Variants in EVI2B observed in about 807,000 individuals in gnomAD.
The protein encoded by EVI2B is ecotropic viral integration site 2B.
EVI2B carries 4 observed loss-of-function variants against 6.6 expected under a neutral mutation model. That is an observed-to-expected ratio of 0.61 (90% CI 0.30 to 1.39). The LOEUF is 1.39. Ranked by LOEUF, EVI2B falls within the 40% of genes most tolerant of loss-of-function variation. The pLI, the probability that EVI2B is intolerant of heterozygous loss-of-function variation, is 0.08. For synonymous variants in EVI2B, 181 were observed against 186.8 expected, an observed-to-expected ratio of 0.97 and a Z score of 0.25; for missense variants, 484 against 516.6, an observed-to-expected ratio of 0.94 and a Z score of 0.61.
In EVI2B at chr17:31,307,841, G is replaced by A. The variant is rs973381291; in HGVS notation, c.-21-2211C>T. On this transcript the variant is annotated intron_variant, in intron 1 of 1. Coordinates refer to ENST00000330927, the MANE Select transcript of EVI2B (RefSeq NM_006495.4). ...TGACTCATAAGCCTATATTTAGAGAGATTTGATGTTCTGTTGGAAGGTGCA... is the reference window on the plus strand; with the variant it reads ...TGACTCATAAGCCTATATTTAGAGAAATTTGATGTTCTGTTGGAAGGTGCA... 4.0e-6 allele frequency: 5 copies of A among 1,237,960 alleles called. No individual in the cohort carries two copies. The African/African-American group carries it at 7.7e-5, about 19-fold the overall frequency. The allele number at this position is 1,237,960 out of a possible 1,614,324, so 76.7% of individuals were successfully genotyped here. A position where few individuals can be genotyped will look rare whatever the true frequency, so the allele number is the denominator to read the frequency against.
intron 1 of EVI2B, among the ~76,000 whole-genome samples, chr17:31,310,238 A>G (rs146039293): frequency 1.8e-4 from 27 of 152,330 alleles, no homozygotes; most frequent in East Asian, 1.7e-3. Flanking sequence ...AGGCAATGCA[A>G]AGAAATACAA....
intron 1 of EVI2B, among the ~76,000 whole-genome samples, chr17:31,308,599 A>C (rs2068791098): frequency 6.6e-6 from 1 of 151,658 alleles, no homozygotes. Flanking sequence ...CTAAACAGAC[A>C]CTTCTATGCT....
rs200125519 is a variant in EVI2B, at chr17:31,305,112, T to C, written c.498A>G (p.Pro166=). ...PSRKQITVHN[P]STQPTSTVKN... is the part of the protein sequence containing the mutation. ...TGACAGTTGATGTTGGTTGTGTGGA[T>C]GGATTATGAACAGTTATTTGTTTTC... The change falls in exon 2 of 2, where the codon CCA becomes CCG. Residue 166 remains proline (P), a synonymous_variant. Coordinates refer to ENST00000330927, the MANE Select transcript of EVI2B (RefSeq NM_006495.4). The C allele has an allele frequency of 1.6e-4, 254 of 1,614,152 alleles. 4 individuals are homozygous for C. The South Asian group carries it at 2.1e-3, about 13-fold the overall frequency.
chr17:31,305,691 A>G, intron 1 of EVI2B, 61 bp from the exon 2 acceptor site: 1 of 1,455,858 alleles, frequency 6.9e-7, no homozygotes, highest in Non-Finnish European at 9.2e-7. Flanking sequence ...CTAGTTAAAA[A>G]TTTGACTTTT....
chr17:31,311,116 C>T (rs977873675), intron 1 of EVI2B, among the ~76,000 whole-genome samples: 1 of 151,884 alleles, frequency 6.6e-6, no homozygotes, highest in Non-Finnish European at 1.5e-5. Context: ...CCACGCCCAA[C>T]TAATTTTTGT....
intron 1 of EVI2B, chr17:31,307,778 T>C: frequency 1.5e-6 from 1 of 663,840 alleles, no homozygotes; most frequent in Non-Finnish European, 2.3e-6. Flanking sequence ...CTTAGGGTGT[T>C]AGATATTGGT....
chr17:31,313,895 T>C, intron 1 of EVI2B, 84 bp downstream of exon 1: 1 of 395,204 alleles, frequency 2.5e-6, no homozygotes, highest in Non-Finnish European at 4.5e-6. Flanking sequence ...CTATCAGAGT[T>C]TAAGTTTAAA....
chr17:31,304,459 C>T lies in EVI2B; in HGVS notation c.1151G>A (p.Cys384Tyr), dbSNP rs765978506. 6 of 1,614,140 alleles carry T rather than the reference C, an allele frequency of 3.7e-6. No individual in the cohort carries two copies. In the Admixed American group the frequency reaches 1.0e-4, roughly 27 times the overall value. ...TATTATCTCAGATTTATGATCTCCA[C>T]AGTCTTGATTGAGACAGTCCAGAGA... ...PPSLDCLNQD[C>Y]GDHKSEIIQS... The change falls in exon 2 of 2, where the codon TGT becomes TAT. Residue 384 changes from cysteine to tyrosine, a missense_variant. Physicochemically the swap from Cys to Tyr is radical, Grantham distance 194. Coordinates refer to ENST00000330927, the MANE Select transcript of EVI2B (RefSeq NM_006495.4).
In EVI2B at chr17:31,303,968, G is replaced by A. The variant is rs1257282164; in HGVS notation, c.*295C>T. The A allele has an allele frequency of 2.8e-5, 6 of 213,160 alleles. No homozygotes were observed. The South Asian group carries it at 4.4e-4, about 16-fold the overall frequency. 13.2% of individuals were successfully genotyped at this position (213,160 alleles called of 1,614,324 possible). A position where few individuals can be genotyped will look rare whatever the true frequency, so the allele number is the denominator to read the frequency against. On this transcript the variant is annotated 3_prime_UTR_variant, in exon 2 of 2. Transcript: ENST00000330927. ...TTTCAGGGGAAAAAAAACTGTACTG[G>A]GTAATAAGTATATGTAGATTGTTTC...
intron 1 of EVI2B, among the ~76,000 whole-genome samples, chr17:31,311,468 T>G (rs2068873726): frequency 6.6e-6 from 1 of 152,172 alleles, no homozygotes. Flanking sequence ...AGATTAAAAT[T>G]TAGCAGTAGT....
rs1426911482 is a variant in EVI2B, at chr17:31,305,262, G to T, written c.348C>A (p.Ser116=). 2 of 1,614,186 alleles carry T rather than the reference G, an allele frequency of 1.2e-6. No homozygotes were observed. The highest frequency in any genetic ancestry group is 2.7e-5 in the African/African-American group (2 of 75,048). Residue 116 remains serine, a synonymous_variant, in exon 2 of 2, where the codon TCC becomes TCA. Coordinates refer to ENST00000330927, the MANE Select transcript of EVI2B (RefSeq NM_006495.4). The part of the protein sequence containing the change: ...TKQPTPIANT[S]SQQAVFTSAR... ...CAGAGGTGAACACGGCTTGCTGGGA[G>T]GAGGTGTTGGCTATTGGTGTTGGTT...
In EVI2B at chr17:31,310,611, C is replaced by T. The variant is rs116800369; in HGVS notation, c.-22+3368G>A. ...CTTTCATTTCAGGCTCTCCTGTCTGCTGTGAGTATCCTTACCATCCTCTCC... is the reference window on the plus strand; with the variant it reads ...CTTTCATTTCAGGCTCTCCTGTCTGTTGTGAGTATCCTTACCATCCTCTCC... On this transcript the variant is annotated intron_variant, in intron 1 of 1. Transcript: ENST00000330927. Among the ~76,000 whole-genome samples the T allele has an allele frequency of 5.7e-3, 865 of 152,286 alleles. 8 individuals carry two copies. The highest frequency in any genetic ancestry group is 0.019 in the African/African-American group (800 of 41,560).
In EVI2B at chr17:31,304,679, C is replaced by A; in HGVS notation, c.931G>T (p.Asp311Tyr). 3 of 1,614,090 alleles carry A rather than the reference C, an allele frequency of 1.9e-6. No individual in the cohort carries two copies. Among genetic ancestry groups the A allele is most frequent in the Non-Finnish European group, 2.5e-6 (3 of 1,180,000 alleles). ...TCTTCTGATGTACCATTTACTTGAT[C>A]TTTTATTTTCTCTGTTTTGGGGTTG... ...SNNPKTEKIK[D>Y]QVNGTSEDSA... Residue 311 changes from aspartate to tyrosine, a missense_variant, in exon 2 of 2, where the codon GAT becomes TAT. By Grantham distance (160) the Asp-to-Tyr change is radical. Transcript: ENST00000330927.
In EVI2B at chr17:31,305,506, G is replaced by T. The variant is rs755399921; in HGVS notation, c.104C>A (p.Thr35Asn). The change falls in exon 2 of 2, where the codon ACC (threonine) becomes AAC (asparagine). Residue 35 changes from threonine to asparagine, a missense_variant. Physicochemically the swap from Thr to Asn is moderately conservative, Grantham distance 65 (BLOSUM62 0). Transcript: ENST00000330927. ...CTGTGACATTGATGATGTGAATAAGGTAGGCTGTGACTGCTTCTCTGTTGT... is the reference window on the plus strand; with the variant it reads ...CTGTGACATTGATGATGTGAATAAGTTAGGCTGTGACTGCTTCTCTGTTGT... ...TITTEKQSQP[T>N]LFTSSMSQVL... The T allele has an allele frequency of 6.2e-7, 1 of 1,614,202 alleles. No homozygotes were observed. The highest frequency in any genetic ancestry group is 1.1e-5 in the South Asian group (1 of 91,082).
At chr17:31,313,525 G>A (rs1222738119) in intron 1 of EVI2B, among the ~76,000 whole-genome samples, 1 of 151,968 alleles carries the variant, frequency 6.6e-6, no homozygotes, top group East Asian at 1.9e-4. Context: ...GCAACATAGT[G>A]AAACCCCATC....
Position 31,304,290 on chromosome 17 carries a change from C to T in EVI2B, c.1320G>A (p.Leu440=). Residue 440 remains leucine (L), a synonymous_variant, in exon 2 of 2, where the codon CTG becomes CTA. Coordinates refer to ENST00000330927, the MANE Select transcript of EVI2B (RefSeq NM_006495.4). ...ATAACAGTTCTGCAGGTGGAGGTGG[C>T]AGGGATTCATTAAGATCTTGATCAG... ...PNSDQDLNES[L]PPPPAELL 1 of 1,611,970 alleles carries T rather than the reference C, an allele frequency of 6.2e-7. No homozygotes were observed. The highest frequency in any genetic ancestry group is 8.5e-7 in the Non-Finnish European group (1 of 1,179,038).
At position 31,305,389 on chromosome 17, in the gene EVI2B, G is replaced by C; in HGVS notation, c.221C>G (p.Ala74Gly). The C allele has an allele frequency of 6.2e-7, 1 of 1,614,172 alleles. No individual in the cohort carries two copies. Among genetic ancestry groups the C allele is most frequent in the Non-Finnish European group, 8.5e-7 (1 of 1,180,030 alleles). ...TGTTGGTTGTCCAGCAGTGACTTTGGCAGGTGATATTGATTGTCCAGAAAA... is the reference window on the plus strand; with the variant it reads ...TGTTGGTTGTCCAGCAGTGACTTTGCCAGGTGATATTGATTGTCCAGAAAA... ...DTFSGQSISP[A>G]KVTAGQPTPA... Residue 74 changes from alanine to glycine, a missense_variant, in exon 2 of 2, where the codon GCC becomes GGC. Coordinates refer to ENST00000330927, the MANE Select transcript of EVI2B (RefSeq NM_006495.4).
At chr17:31,310,940 C>CTTT (rs77429998) in intron 1 of EVI2B, among the ~76,000 whole-genome samples, 1 of 130,888 alleles carries the variant, frequency 7.6e-6, no homozygotes, top group Non-Finnish European at 1.7e-5. Context: ...AAGACATGTT[C>CTTT]TTTTTTTTTT....
rs539005977 is a variant in EVI2B, at chr17:31,304,701, G to A, written c.909C>T (p.Asn303=). The A allele has an allele frequency of 2.2e-5, 36 of 1,614,128 alleles. No individual in the cohort carries two copies. In the East Asian group the frequency reaches 6.7e-4, roughly 30 times the overall value. The change falls in exon 2 of 2, where the codon AAC becomes AAT. Residue 303 remains asparagine (N), a synonymous_variant. Coordinates refer to ENST00000330927, the MANE Select transcript of EVI2B (RefSeq NM_006495.4). ...ESSENIEDSN[N]PKTEKIKDQV... ...GATCTTTTATTTTCTCTGTTTTGGG[G>A]TTGTTGGAGTCTTCAATGTTTTCAC...
Sources: gnomAD v4.1 joint callset for allele counts (sites outside exome capture counted in the v4.1 genomes callset) on GRCh38, gnomAD v4.1.1 for gene constraint, MANE v1.5 for transcripts, NCBI Gene and HGNC (gene_info 2026-07-23, HGNC 2026-07-21) for gene names.